Variants in GAP43 observed in about 807,000 individuals in gnomAD.
The protein encoded by GAP43 is neuromodulin.
A neutral mutation model predicts 18.6 loss-of-function variants in GAP43; 6 were observed. The ratio of observed to expected loss-of-function variants is 0.32; its 90% CI spans 0.18 to 0.64. The LOEUF is 0.64. GAP43 is among the 30% of genes least tolerant of loss of function. The pLI is 0.78. For missense variants in GAP43, 292 were observed against 295.5 expected (o/e 0.99, Z 0.09); for synonymous variants, 115 against 111.4 (o/e 1.03, Z -0.20).
At chr3:115,713,077 T>C (rs1216329474) in intron 2 of GAP43, among the ~76,000 whole-genome samples, 3 of 152,148 alleles carry the variant, frequency 2.0e-5, no homozygotes, top group African/African-American at 7.2e-5. Context: ...CTGAAAGCCA[T>C]GATCCAGGCT....
chr3:115,625,298 G>T (rs976544466), intron 1 of GAP43, among the ~76,000 whole-genome samples: 1 of 151,340 alleles, frequency 6.6e-6, no homozygotes, highest in Non-Finnish European at 1.5e-5. Flanking sequence ...TGAGTTGGGG[G>T]CGGTATTTGC....
chr3:115,643,855 T>C lies in GAP43; in HGVS notation c.30+20136T>C, dbSNP rs563208652. ...TTGGTGACTTATATTTCCTGGAACC[T>C]AGTACAGTGCCTGGTACATATGAGG... On this transcript the variant is annotated intron_variant, in intron 1 of 2. Coordinates refer to ENST00000305124, the MANE Select transcript of GAP43 (RefSeq NM_002045.4). Among the ~76,000 whole-genome samples, 47 of 152,208 alleles carry C rather than the reference T, an allele frequency of 3.1e-4. 1 individual carries two copies. Among genetic ancestry groups the C allele is most frequent in the African/African-American group, 1.0e-3 (43 of 41,554 alleles).
intron 1 of GAP43, among the ~76,000 whole-genome samples, chr3:115,625,355 T>C (rs1046393556): frequency 6.6e-6 from 1 of 152,110 alleles, no homozygotes; most frequent in Admixed American, 6.5e-5. Context: ...GATGCTTCCA[T>C]TGGCTCATTT....
chr3:115,699,734 T>C (rs1709273406), intron 2 of GAP43, among the ~76,000 whole-genome samples: 1 of 152,198 alleles, frequency 6.6e-6, no homozygotes, highest in South Asian at 2.1e-4. Flanking sequence ...TGGTTTGCTC[T>C]TTCTTCTTTA....
intron 2 of GAP43, among the ~76,000 whole-genome samples, chr3:115,697,984 C>CACGT (rs1709219450): frequency 9.0e-6 from 1 of 110,882 alleles, no homozygotes; most frequent in Non-Finnish European, 1.7e-5. Flanking sequence ...AGTACATGTG[C>CACGT]GTGTGTGTGT....
chr3:115,678,380 C>A (rs1180703403), intron 2 of GAP43, among the ~76,000 whole-genome samples: 1 of 151,964 alleles, frequency 6.6e-6, no homozygotes, highest in Non-Finnish European at 1.5e-5. Flanking sequence ...TAGGTATATG[C>A]TTATGATTTG....
At chr3:115,674,211 T>C (rs776015806) in intron 1 of GAP43, among the ~76,000 whole-genome samples, 3 of 152,214 alleles carry the variant, frequency 2.0e-5, no homozygotes, top group Non-Finnish European at 4.4e-5. Flanking sequence ...CTTTTATTAG[T>C]GGTCTTTTGA....
intron 1 of GAP43, among the ~76,000 whole-genome samples, chr3:115,642,585 C>T (rs1317907507): frequency 6.6e-6 from 1 of 151,986 alleles, no homozygotes; most frequent in Non-Finnish European, 1.5e-5. Flanking sequence ...TAGGCTTACA[C>T]TAATGTTTCT....
chr3:115,654,602 C>T (rs1708558544), intron 1 of GAP43, among the ~76,000 whole-genome samples: 5 of 152,152 alleles, frequency 3.3e-5, no homozygotes, highest in Admixed American at 3.3e-4. Flanking sequence ...TCCTGCCAAA[C>T]GTTGGCTGGA....
intron 1 of GAP43, among the ~76,000 whole-genome samples, chr3:115,638,283 A>G (rs1347390653): frequency 1.3e-5 from 2 of 152,078 alleles, no homozygotes; most frequent in African/African-American, 2.4e-5. Context: ...AAGAAATCCT[A>G]CATTATCCAG....
intron 1 of GAP43, among the ~76,000 whole-genome samples, chr3:115,650,063 C>A (rs1247423685): frequency 6.6e-6 from 1 of 152,134 alleles, no homozygotes; most frequent in East Asian, 1.9e-4. Flanking sequence ...CTGGAGGAGA[C>A]ACTTCATTCA....
intron 2 of GAP43, among the ~76,000 whole-genome samples, chr3:115,699,640 G>C (rs1576999265): frequency 6.6e-6 from 1 of 152,124 alleles, no homozygotes; most frequent in South Asian, 2.1e-4. Flanking sequence ...AGGAAGAGGG[G>C]GATGAGAGAG....
At chr3:115,661,939 A>G (rs970168982) in intron 1 of GAP43, among the ~76,000 whole-genome samples, 2 of 150,420 alleles carry the variant, frequency 1.3e-5, no homozygotes, top group African/African-American at 4.9e-5. Flanking sequence ...ATGCCAAAGC[A>G]ATGCATATTT....
At chr3:115,633,132 A>G (rs113977166) in intron 1 of GAP43, among the ~76,000 whole-genome samples, 67 of 152,262 alleles carry the variant, frequency 4.4e-4, no homozygotes, top group African/African-American at 1.5e-3. Flanking sequence ...GGGGCCCTGC[A>G]TCAAAAAAGA....
intron 1 of GAP43, among the ~76,000 whole-genome samples, chr3:115,637,022 C>T (rs1437043632): frequency 1.3e-5 from 2 of 152,046 alleles, no homozygotes; most frequent in East Asian, 3.9e-4. Context: ...ACCGCCACTA[C>T]TTGAAAAGTC....
chr3:115,718,677 G>T (rs1709540236), intron 2 of GAP43, among the ~76,000 whole-genome samples: 2 of 152,090 alleles, frequency 1.3e-5, no homozygotes, highest in Admixed American at 6.5e-5. Context: ...AAATAAGTCA[G>T]ACTTTAAAAC....
intron 1 of GAP43, among the ~76,000 whole-genome samples, chr3:115,661,831 C>CTT (rs56209932): frequency 2.8e-5 from 3 of 105,970 alleles, no homozygotes; most frequent in Admixed American, 1.2e-4. Flanking sequence ...GAAACTAGGG[C>CTT]TTTTTTTTTT....
chr3:115,683,134 TGC>T (rs1221666580), intron 2 of GAP43, among the ~76,000 whole-genome samples: 4,488 of 105,492 alleles, frequency 0.043, 113 homozygotes, highest in East Asian at 0.12. Context: ...TGCGCGCGCG[TGC>T]GCGCGCGCGC....
At chr3:115,680,700 G>T (rs1351919181) in intron 2 of GAP43, among the ~76,000 whole-genome samples, 1 of 152,064 alleles carries the variant, frequency 6.6e-6, no homozygotes, top group East Asian at 1.9e-4. Context: ...CTATAAAAAC[G>T]TTGCATATAA....
Sources: allele counts gnomAD v4.1 joint callset (sites outside exome capture counted in the v4.1 genomes callset), GRCh38; gene constraint gnomAD v4.1.1; transcripts MANE v1.5; gene names NCBI Gene and HGNC (gene_info 2026-07-23, HGNC 2026-07-21).